The following AP4S1 variants were observed in gnomAD, a reference collection of about 807,000 sequenced individuals.
AP4S1 encodes the protein adaptor related protein complex 4 subunit sigma 1.
AP4S1 carries 23 observed loss-of-function variants against 19.8 expected under a neutral mutation model. The ratio of observed to expected loss-of-function variants is 1.16; its 90% CI spans 0.84 to 1.65. The LOEUF is 1.65. AP4S1 is among the 40% of genes most tolerant of loss of function. The pLI is 0.00. For missense variants in AP4S1, 166 were observed against 172.8 expected, an observed-to-expected ratio of 0.96 and a Z score of 0.22; for synonymous variants, 46 against 54.1, an observed-to-expected ratio of 0.85 and a Z score of 0.66.
chr14:31,090,781 CA>C (rs1425558577), intron 5 of AP4S1, among the ~76,000 whole-genome samples: 62 of 152,378 alleles, frequency 4.1e-4, no homozygotes, highest in African/African-American at 1.4e-3. Flanking sequence ...ATGTAAACAA[CA>C]GCTGGATTCT....
rs747269244 is a variant in AP4S1, at chr14:31,084,925, C to T, written c.306+4341C>T. On this transcript the variant is annotated intron_variant, in intron 5 of 5. Coordinates refer to ENST00000542754, the MANE Select transcript of AP4S1 (RefSeq NM_001128126.3). Reference sequence around the variant, plus strand: ...CCAATGAACAGCACAGTATGGGAGACACACCAACTACTCTTCAAATCAGTG... The same window carrying T: ...CCAATGAACAGCACAGTATGGGAGATACACCAACTACTCTTCAAATCAGTG... The T allele has an allele frequency of 3.4e-5, 55 of 1,613,652 alleles. 1 individual carries two copies. The South Asian group carries it at 5.9e-4, about 17-fold the overall frequency.
chr14:31,049,517 C>T (rs1421243102), intron 1 of AP4S1, among the ~76,000 whole-genome samples: 2 of 82,326 alleles, frequency 2.4e-5, no homozygotes. Flanking sequence ...ACATAAATTA[C>T]CCTCAAGCCT....
intron 1 of AP4S1, among the ~76,000 whole-genome samples, chr14:31,032,523 A>AATT (rs1555329329): frequency 7.2e-6 from 1 of 138,978 alleles, no homozygotes; most frequent in African/African-American, 2.7e-5. Context: ...CAGAATGTAC[A>AATT]TTTTTTTTTT....
intron 1 of AP4S1, among the ~76,000 whole-genome samples, chr14:31,034,061 A>G (rs1884575937): frequency 6.6e-6 from 1 of 152,214 alleles, no homozygotes; most frequent in Non-Finnish European, 1.5e-5. Context: ...GATGTGACTA[A>G]TTGGTAAATT....
In AP4S1 at chr14:31,093,234, A is replaced by G. The variant is rs957066409; in HGVS notation, c.*199A>G. 2.2e-6 allele frequency: 1 copy of G among 448,454 alleles called. No homozygotes were observed. Among genetic ancestry groups the G allele is most frequent in the Non-Finnish European group, 3.7e-6 (1 of 268,312 alleles). The allele number at this position is 448,454 out of a possible 1,614,324, so 27.8% of individuals were successfully genotyped here. A position where few individuals can be genotyped will look rare whatever the true frequency, so the allele number is the denominator to read the frequency against. On this transcript the variant is annotated 3_prime_UTR_variant, in exon 6 of 6. Coordinates refer to ENST00000542754, the MANE Select transcript of AP4S1 (RefSeq NM_001128126.3). ...ACTTTAAAATATGTACAAAGAAAAAAATTTCTTTAAACTGAGAGAGAAGTT... is the reference window on the plus strand; with the variant it reads ...ACTTTAAAATATGTACAAAGAAAAAGATTTCTTTAAACTGAGAGAGAAGTT...
At chr14:31,034,176 A>G (rs1306137502) in intron 1 of AP4S1, among the ~76,000 whole-genome samples, 1 of 152,238 alleles carries the variant, frequency 6.6e-6, no homozygotes, top group African/African-American at 2.4e-5. Context: ...TGGCCCAGTA[A>G]ATCTATGCTA....
intron 1 of AP4S1, among the ~76,000 whole-genome samples, chr14:31,060,535 A>G (rs1886380157): frequency 6.6e-6 from 1 of 152,224 alleles, no homozygotes; most frequent in South Asian, 2.1e-4. Flanking sequence ...CATGGCAGGT[A>G]CGTGGCAAAG....
chr14:31,049,459 A>ATATATATATATG (rs1487074529), intron 1 of AP4S1, among the ~76,000 whole-genome samples: 11 of 74,420 alleles, frequency 1.5e-4, no homozygotes, highest in African/African-American at 4.7e-4. Flanking sequence ...ATATATATAT[A>ATATATATATATG]TATGTATATA....
intron 1 of AP4S1, among the ~76,000 whole-genome samples, chr14:31,049,428 A>AATATATATATATATATATATATAT (rs1182207910): frequency 5.2e-5 from 3 of 57,768 alleles, no homozygotes; most frequent in African/African-American, 1.6e-4. Context: ...AAAAAAAAAA[A>AATATATATATATATATATATATAT]ATATATATAT....
chr14:31,074,507 C>T (rs1026985783), intron 4 of AP4S1, among the ~76,000 whole-genome samples: 1 of 151,950 alleles, frequency 6.6e-6, no homozygotes, highest in African/African-American at 2.4e-5. Flanking sequence ...CACGGTGAAA[C>T]CTGTTTCTAC....
At position 31,067,434 on chromosome 14, in the gene AP4S1, T is replaced by C. The variant is rs1280674169; in HGVS notation, c.138+1100T>C. Among the ~76,000 whole-genome samples, 26 of 110,176 alleles carry C rather than the reference T, an allele frequency of 2.4e-4. No homozygotes were observed. In the Admixed American group the frequency reaches 2.6e-3, roughly 11 times the overall value. 72.3% of individuals were successfully genotyped at this position (110,176 alleles called of 152,430 possible). On this transcript the variant is annotated intron_variant, in intron 2 of 5. Coordinates refer to ENST00000542754, the MANE Select transcript of AP4S1 (RefSeq NM_001128126.3). ...CTATCCCTTCCCCCTCCCCCCACCC[T>C]ACCACAGGCCCCGGTTTGTGATGTC...
At chr14:31,079,245 T>C (rs76947134) in intron 4 of AP4S1, among the ~76,000 whole-genome samples, 2,347 of 152,316 alleles carry the variant, frequency 0.015, 63 homozygotes, top group African/African-American at 0.052. Context: ...TGCATAAATA[T>C]CTATTTTATT....
chr14:31,074,107 A>G (rs1032055279), intron 4 of AP4S1, among the ~76,000 whole-genome samples: 3 of 151,502 alleles, frequency 2.0e-5, no homozygotes, highest in South Asian at 2.1e-4. Context: ...TGGGTAGATC[A>G]TGAGGTCAGG....
intron 3 of AP4S1, among the ~76,000 whole-genome samples, chr14:31,071,431 AT>A (rs1165908931): frequency 6.6e-6 from 1 of 151,948 alleles, no homozygotes; most frequent in Non-Finnish European, 1.5e-5. Context: ...AGAAAAAAAG[AT>A]TCTTTTGGAG....
At chr14:31,051,652 G>A (rs774856978) in intron 1 of AP4S1, among the ~76,000 whole-genome samples, 19 of 152,096 alleles carry the variant, frequency 1.2e-4, no homozygotes, top group Non-Finnish European at 2.6e-4. Context: ...TACAGAGTTT[G>A]CGTATTCAAT....
chr14:31,082,603 T>C (rs576024397), intron 5 of AP4S1, among the ~76,000 whole-genome samples: 1 of 152,224 alleles, frequency 6.6e-6, no homozygotes, highest in African/African-American at 2.4e-5. Flanking sequence ...GAATTAAGAC[T>C]AGAAGAGCTT....
At chr14:31,078,435 C>T (rs1299624982) in intron 4 of AP4S1, among the ~76,000 whole-genome samples, 2 of 152,002 alleles carry the variant, frequency 1.3e-5, no homozygotes, top group Non-Finnish European at 2.9e-5. Context: ...CTGTATTGGA[C>T]AGTATAGCTC....
At chr14:31,049,474 T>TACACACACACACACACACACACACACAC (rs1165169644) in intron 1 of AP4S1, among the ~76,000 whole-genome samples, 5 of 57,178 alleles carry the variant, frequency 8.7e-5, no homozygotes, top group Non-Finnish European at 1.3e-4. Flanking sequence ...TATATATATG[T>TACACACACACACACACACACACACACAC]ACACACACAC....
chr14:31,093,685 A>T lies in AP4S1; in HGVS notation c.*650A>T, dbSNP rs1277784299. 6.6e-6 allele frequency: 1 copy of T among 152,338 alleles called. No individual in the cohort carries two copies. Among genetic ancestry groups the T allele is most frequent in the Non-Finnish European group, 1.5e-5 (1 of 68,224 alleles). The allele number at this position is 152,338 out of a possible 1,614,324, so 9.4% of individuals were successfully genotyped here. A position where few individuals can be genotyped will look rare whatever the true frequency, so the allele number is the denominator to read the frequency against. On this transcript the variant is annotated 3_prime_UTR_variant, in exon 6 of 6. Coordinates refer to ENST00000542754, the MANE Select transcript of AP4S1 (RefSeq NM_001128126.3). ...TGTCTCAAACTCCTGACCTCAGGTG[A>T]TCTGCCTGCCTCAGCCTCCCAGAAC...
Sources: gnomAD v4.1 joint callset for allele counts (sites outside exome capture counted in the v4.1 genomes callset) on GRCh38, gnomAD v4.1.1 for gene constraint, MANE v1.5 for transcripts, NCBI Gene and HGNC (gene_info 2026-07-23, HGNC 2026-07-21) for gene names.